Variants in BMP2K observed in about 807,000 individuals in gnomAD.
BMP2K encodes the protein BMP2 inducible kinase.
BMP2K carries 74 observed loss-of-function variants against 116.0 expected under a neutral mutation model. The ratio of observed to expected loss-of-function variants is 0.64; its 90% CI spans 0.53 to 0.77. BMP2K has a LOEUF of 0.77. BMP2K is among the 30% of genes least tolerant of loss of function. BMP2K has a pLI of 0.00. For synonymous variants in BMP2K, 486 were observed against 502.5 expected (o/e 0.97, Z 0.44); for missense variants, 1,365 against 1,403.6 (o/e 0.97, Z 0.44).
intron 7 of BMP2K, among the ~76,000 whole-genome samples, chr4:78,856,860 C>T (rs1179591397): frequency 6.6e-6 from 1 of 152,062 alleles, no homozygotes; most frequent in Non-Finnish European, 1.5e-5. Flanking sequence ...TAGCAGAGAA[C>T]ATGTATGTTC....
At chr4:78,839,209 G>A (rs527392887) in intron 3 of BMP2K, among the ~76,000 whole-genome samples, 3 of 152,332 alleles carry the variant, frequency 2.0e-5, no homozygotes, top group Admixed American at 2.0e-4. Flanking sequence ...TCACATGGCA[G>A]TGGTTAGCTG....
intron 7 of BMP2K, among the ~76,000 whole-genome samples, chr4:78,851,449 A>T (rs1731246959): frequency 6.6e-6 from 1 of 152,112 alleles, no homozygotes; most frequent in Non-Finnish European, 1.5e-5. Flanking sequence ...TTTATTAAAA[A>T]GATTTGAGGA....
chr4:78,836,159 G>A (rs1264176535), intron 3 of BMP2K, among the ~76,000 whole-genome samples: 2 of 151,974 alleles, frequency 1.3e-5, no homozygotes, highest in Admixed American at 6.6e-5. Flanking sequence ...GGCTCACACT[G>A]ATAATCCCAG....
intron 15 of BMP2K, 51 bp downstream of exon 15, chr4:78,887,335 CA>C: frequency 7.6e-7 from 1 of 1,311,230 alleles, no homozygotes; most frequent in South Asian, 1.3e-5. Flanking sequence ...CACACAAGAA[CA>C]ACAGCAAAAT....
At chr4:78,844,882 T>C (rs927460176) in intron 4 of BMP2K, 46 bp from the exon 5 acceptor site, 9 of 1,510,284 alleles carry the variant, frequency 6.0e-6, no homozygotes, top group Admixed American at 1.9e-5. Flanking sequence ...AAAAAGTTAA[T>C]TTTCACTTTG....
chr4:78,890,153 A>C (rs1332086796), intron 15 of BMP2K, among the ~76,000 whole-genome samples: 3 of 152,020 alleles, frequency 2.0e-5, no homozygotes, highest in Admixed American at 1.3e-4. Flanking sequence ...AAAAAGTCAG[A>C]TTTAACAAGA....
At chr4:78,903,417 TC>T (rs1560555391) in intron 15 of BMP2K, among the ~76,000 whole-genome samples, 1 of 151,980 alleles carries the variant, frequency 6.6e-6, no homozygotes, top group Non-Finnish European at 1.5e-5. Context: ...CTTCTTTGTA[TC>T]CCATACAATA....
chr4:78,789,052 A>T (rs1287522792), intron 1 of BMP2K, among the ~76,000 whole-genome samples: 1 of 152,096 alleles, frequency 6.6e-6, no homozygotes, highest in Non-Finnish European at 1.5e-5. Context: ...ACCTGAATTT[A>T]AAACAGGACC....
At chr4:78,825,729 CT>C (rs1560516679) in intron 1 of BMP2K, among the ~76,000 whole-genome samples, 1 of 152,174 alleles carries the variant, frequency 6.6e-6, no homozygotes, top group Non-Finnish European at 1.5e-5. Context: ...ATATACCAAA[CT>C]TTAGTAACAT....
intron 10 of BMP2K, 95 bp from the exon 11 acceptor site, chr4:78,870,688 C>T: frequency 6.9e-7 from 1 of 1,457,828 alleles, no homozygotes; most frequent in Non-Finnish European, 9.2e-7. Context: ...ATATAAATGC[C>T]TTAGTTAAAT....
At chr4:78,863,725 G>A (rs1240217569) in intron 9 of BMP2K, among the ~76,000 whole-genome samples, 1 of 152,174 alleles carries the variant, frequency 6.6e-6, no homozygotes, top group Non-Finnish European at 1.5e-5. Flanking sequence ...TTTAACTTCA[G>A]TCGATTTTGT....
At chr4:78,887,314 C>T (rs1203813891) in intron 15 of BMP2K, 30 bp downstream of exon 15, 2 of 1,475,264 alleles carry the variant, frequency 1.4e-6, no homozygotes, top group South Asian at 1.2e-5. Flanking sequence ...TCATCACTGT[C>T]ACAAATAAAA....
In BMP2K at chr4:78,914,583, A is replaced by C. The variant is rs1418440485; in HGVS notation, c.*2550A>C. On this transcript the variant is annotated 3_prime_UTR_variant, in exon 16 of 16. Coordinates refer to ENST00000502613, the MANE Select transcript of BMP2K (RefSeq NM_198892.2). ...TTCCCTTGTGAGAATTATGAGAATA[A>C]AGCTCCCAAGATATGTGAAAGTGCT... is the stretch of plus-strand genomic sequence containing the variant. 4 of 151,948 alleles carry C rather than the reference A, an allele frequency of 2.6e-5. No individual in the cohort carries two copies. Among genetic ancestry groups the C allele is most frequent in the Non-Finnish European group, 2.9e-5 (2 of 67,900 alleles). 9.4% of individuals were successfully genotyped at this position (151,948 alleles called of 1,614,324 possible).
intron 15 of BMP2K, among the ~76,000 whole-genome samples, chr4:78,896,020 C>T (rs546083914): frequency 2.5e-4 from 38 of 152,234 alleles, no homozygotes; most frequent in African/African-American, 8.7e-4. Context: ...TGGCCTCCCA[C>T]AATGCTGGGA....
At chr4:78,810,485 A>G (rs1362729764) in intron 1 of BMP2K, among the ~76,000 whole-genome samples, 3 of 152,156 alleles carry the variant, frequency 2.0e-5, no homozygotes, top group Non-Finnish European at 2.9e-5. Context: ...ATATTATACA[A>G]TTGCTGCTGA....
intron 1 of BMP2K, among the ~76,000 whole-genome samples, chr4:78,796,121 G>A (rs1252501032): frequency 6.6e-6 from 1 of 152,102 alleles, no homozygotes; most frequent in Non-Finnish European, 1.5e-5. Flanking sequence ...ATTCACAATA[G>A]CAAAGACTTG....
At position 78,829,782 on chromosome 4, in the gene BMP2K, TTTCTTTTCTCTTCTC is replaced by T. The variant is rs1449355753; in HGVS notation, c.297+3632_297+3646del. Among the ~76,000 whole-genome samples, 568 of 64,326 alleles carry T rather than the reference TTTCTTTTCTCTTCTC, an allele frequency of 8.8e-3. 3 individuals carry two copies. Among genetic ancestry groups the T allele is most frequent in the East Asian group, 0.081 (170 of 2,104 alleles). The allele number at this position is 64,326 out of a possible 152,430, so 42.2% of individuals were successfully genotyped here. A position where few individuals can be genotyped will look rare whatever the true frequency, so the allele number is the denominator to read the frequency against. On this transcript the variant is annotated intron_variant, in intron 2 of 15. Coordinates refer to ENST00000502613, the MANE Select transcript of BMP2K (RefSeq NM_198892.2). ...TTTCTTTTCTTTTCTTTTCTTTTCT[TTTCTTTTCTCTTCTC>T]TTCTCTTCTCTTCTCTTCTCTTCTC...
At chr4:78,813,911 G>A (rs1729207390) in intron 1 of BMP2K, among the ~76,000 whole-genome samples, 1 of 152,174 alleles carries the variant, frequency 6.6e-6, no homozygotes, top group Non-Finnish European at 1.5e-5. Flanking sequence ...TGATTTGCTT[G>A]TAGTTAGTCT....
At chr4:78,780,965 A>G (rs1212478595) in intron 1 of BMP2K, among the ~76,000 whole-genome samples, 1 of 152,194 alleles carries the variant, frequency 6.6e-6, no homozygotes, top group African/African-American at 2.4e-5. Context: ...AGTTAGGTAA[A>G]AACAGAGGTG....
Sources: allele counts gnomAD v4.1 joint callset (sites outside exome capture counted in the v4.1 genomes callset), GRCh38; gene constraint gnomAD v4.1.1; transcripts MANE v1.5; gene names NCBI Gene and HGNC (gene_info 2026-07-23, HGNC 2026-07-21).